IFFO2: variants seen among roughly 807,000 people sequenced by gnomAD.
The protein encoded by IFFO2 is intermediate filament family orphan 2.
Under a neutral mutation model 53.5 loss-of-function variants are expected in IFFO2, and 19 were observed. That is an observed-to-expected ratio of 0.36 (90% confidence interval 0.25 to 0.52). IFFO2 has a LOEUF of 0.52. Among genes scored for constraint, IFFO2 ranks in the 20% least tolerant of loss-of-function variants. IFFO2 has a pLI of 0.94. For synonymous variants in IFFO2, 303 were observed against 313.6 expected, an observed-to-expected ratio of 0.97 and a Z score of 0.36; for missense variants, 570 against 727.4, an observed-to-expected ratio of 0.78 and a Z score of 2.49.
intron 1 of IFFO2, among the ~76,000 whole-genome samples, chr1:18,924,569 C>A (rs1422986285): frequency 1.3e-5 from 2 of 152,224 alleles, no homozygotes; most frequent in Non-Finnish European, 2.9e-5. Flanking sequence ...CTCCCAGCCC[C>A]AGCCCATGGC....
chr1:18,951,906 C>G (rs1244979021), intron 1 of IFFO2, among the ~76,000 whole-genome samples: 1 of 152,128 alleles, frequency 6.6e-6, no homozygotes, highest in East Asian at 1.9e-4. Flanking sequence ...AGCCACAACA[C>G]GGGCCTCTTG....
At chr1:18,950,898 A>C (rs1936651691) in intron 1 of IFFO2, among the ~76,000 whole-genome samples, 1 of 152,262 alleles carries the variant, frequency 6.6e-6, no homozygotes, top group Non-Finnish European at 1.5e-5. Context: ...CTCCCATCCC[A>C]GAAAGTGGCT....
intron 1 of IFFO2, among the ~76,000 whole-genome samples, chr1:18,940,290 G>C (rs1214116228): frequency 1.3e-5 from 2 of 152,218 alleles, no homozygotes; most frequent in Non-Finnish European, 2.9e-5. Flanking sequence ...CAGAAACTTG[G>C]GGCTGGGACC....
Position 18,918,293 on chromosome 1 carries a change from C to A in IFFO2, c.963+69G>T. ...TGTGGAGGCAAACGGGTTGGCCGGG[C>A]AGGGGTGGAGGCCAGGGCTGCTCTG... On this transcript the variant is annotated intron_variant, in intron 4 of 8. Transcript: ENST00000455833. The surrounding 1 kb of genome is among the most constrained non-coding windows in gnomAD (Gnocchi z 5.2). The A allele has an allele frequency of 6.7e-7, 1 of 1,487,292 alleles. No homozygotes were observed. The highest frequency in any genetic ancestry group is 9.1e-7 in the Non-Finnish European group (1 of 1,095,946). The allele number at this position is 1,487,292 out of a possible 1,614,324, so 92.1% of individuals were successfully genotyped here. A position where few individuals can be genotyped will look rare whatever the true frequency, so the allele number is the denominator to read the frequency against.
rs1936720200 is a variant in IFFO2, at chr1:18,955,954, T to A, written c.379A>T (p.Ser127Cys). 1.4e-5 allele frequency: 18 copies of A among 1,273,262 alleles called. No individual in the cohort carries two copies. The highest frequency in any genetic ancestry group is 1.6e-5 in the Non-Finnish European group (16 of 1,011,698). 78.9% of individuals were successfully genotyped at this position (1,273,262 alleles called of 1,614,324 possible). The part of the protein sequence containing the change: ...PAPGGGHGLS[S>C]GAAAGANANA... Reference sequence around the variant, plus strand: ...GCGTTGGCGCCGGCCGCCGCGCCACTGCTGAGGCCGTGCCCGCCGCCGGGC... The same window carrying A: ...GCGTTGGCGCCGGCCGCCGCGCCACAGCTGAGGCCGTGCCCGCCGCCGGGC... Residue 127 changes from serine to cysteine, a missense_variant, in exon 1 of 9, where the codon AGT (serine) becomes TGT (cysteine). Ser to Cys is a moderately radical substitution (Grantham distance 112, BLOSUM62 -1). Coordinates refer to ENST00000455833, the MANE Select transcript of IFFO2 (RefSeq NM_001136265.2).
rs1464675237 is a variant in IFFO2, at chr1:18,919,979, C to T, written c.727-206G>A. 1.3e-5 allele frequency among the ~76,000 whole-genome samples: 2 copies of T among 152,212 alleles called. No individual in the cohort carries two copies. Among genetic ancestry groups the T allele is most frequent in the Non-Finnish European group, 2.9e-5 (2 of 68,046 alleles). On this transcript the variant is annotated intron_variant, in intron 2 of 8. Transcript: ENST00000455833. The surrounding 1 kb of genome is among the most constrained non-coding windows in gnomAD (Gnocchi z 4.9). The stretch of plus-strand genomic sequence containing the variant: ...CTTAAAACACTTTTCAAAGCGTTAT[C>T]TATTACGTGGGAAAATCCATGGAAG...
intron 1 of IFFO2, among the ~76,000 whole-genome samples, chr1:18,938,934 G>T (rs1936486059): frequency 1.3e-5 from 2 of 152,238 alleles, no homozygotes; most frequent in Non-Finnish European, 1.5e-5. Context: ...CAGGGGCCGG[G>T]ACACCAGCTG....
At chr1:18,913,383 C>T (rs1300927042) in intron 5 of IFFO2, among the ~76,000 whole-genome samples, 1 of 152,254 alleles carries the variant, frequency 6.6e-6, no homozygotes, top group Non-Finnish European at 1.5e-5. Flanking sequence ...CAATTCCTGA[C>T]TTCACTTCCT....
intron 5 of IFFO2, among the ~76,000 whole-genome samples, chr1:18,914,840 A>AAAC (rs1936108240): frequency 2.0e-5 from 3 of 149,142 alleles, no homozygotes; most frequent in East Asian, 2.0e-4. Flanking sequence ...AAAAAAAAAA[A>AAAC]GCCCCTCTTG....
At chr1:18,913,672 G>T (rs1936079169) in intron 5 of IFFO2, among the ~76,000 whole-genome samples, 1 of 152,170 alleles carries the variant, frequency 6.6e-6, no homozygotes, top group South Asian at 2.1e-4. Context: ...GGGCAGCCTG[G>T]CTAGGGTCCT....
rs36100174 is a variant in IFFO2, at chr1:18,909,189, AG to A, written c.1449-524del. Reference sequence around the variant, plus strand: ...TGAGGAGTTAAAGGTCTGAAAGGCAAGGCTACGGCCCTGCACACAGATCTGG... The same window carrying A: ...TGAGGAGTTAAAGGTCTGAAAGGCAAGCTACGGCCCTGCACACAGATCTGG... On this transcript the variant is annotated intron_variant, in intron 8 of 8. Coordinates refer to ENST00000455833, the MANE Select transcript of IFFO2 (RefSeq NM_001136265.2). 2.9e-3 allele frequency among the ~76,000 whole-genome samples: 446 copies of A among 152,194 alleles called. 3 individuals carry two copies. The highest frequency in any genetic ancestry group is 0.01 in the African/African-American group (432 of 41,534).
At chr1:18,950,887 C>T (rs571397432) in intron 1 of IFFO2, among the ~76,000 whole-genome samples, 69 of 152,278 alleles carry the variant, frequency 4.5e-4, no homozygotes, top group Non-Finnish European at 8.5e-4. Context: ...GACAAAAGTC[C>T]CTCCCATCCC....
At chr1:18,927,355 G>A (rs1265184126) in intron 1 of IFFO2, among the ~76,000 whole-genome samples, 1 of 152,224 alleles carries the variant, frequency 6.6e-6, no homozygotes, top group Non-Finnish European at 1.5e-5. Flanking sequence ...AGCCCTCAGT[G>A]GAAGACTTCA....
At chr1:18,921,040 G>A (rs996624087) in intron 2 of IFFO2, 21 bp downstream of exon 2, 11 of 1,550,504 alleles carry the variant, frequency 7.1e-6, no homozygotes, top group African/African-American at 6.8e-5. Flanking sequence ...TCTCCTGGTC[G>A]GGATATCGGA....
rs966651554 is a variant in IFFO2 at position 18,918,169 on chromosome 1, G to T, written c.963+193C>A. ...CAGCCATAGGATGAAGCAGTCAGACGAGCCTATGAGTCCACGGGTGCCTGA... is the reference window on the plus strand; with the variant it reads ...CAGCCATAGGATGAAGCAGTCAGACTAGCCTATGAGTCCACGGGTGCCTGA... On this transcript the variant is annotated intron_variant, in intron 4 of 8. Transcript: ENST00000455833. The surrounding 1 kb of genome is among the most constrained non-coding windows in gnomAD (Gnocchi z 5.2). 6.6e-6 allele frequency among the ~76,000 whole-genome samples: 1 copy of T among 152,172 alleles called. No individual in the cohort carries two copies. Among genetic ancestry groups the T allele is most frequent in the Non-Finnish European group, 1.5e-5 (1 of 68,034 alleles).
At chr1:18,912,171 AG>A (rs937902755) in intron 5 of IFFO2, 88 bp from the exon 6 acceptor site, 1 of 1,497,232 alleles carries the variant, frequency 6.7e-7, no homozygotes, top group Admixed American at 2.0e-5. Context: ...GCTGCCCAGC[AG>A]GTACACAGCT....
chr1:18,940,888 C>T (rs953254394), intron 1 of IFFO2, among the ~76,000 whole-genome samples: 1 of 152,082 alleles, frequency 6.6e-6, no homozygotes, highest in Non-Finnish European at 1.5e-5. Flanking sequence ...AGCTCCAAGT[C>T]CCCCCCAAAA....
rs964938769 is a variant in IFFO2, at chr1:18,912,020, C to T, written c.1167G>A (p.Thr389=). The T allele has an allele frequency of 1.2e-5, 18 of 1,551,780 alleles. No homozygotes were observed. Among genetic ancestry groups the T allele is most frequent in the Admixed American group, 7.8e-5 (4 of 51,010 alleles). Residue 389 remains threonine, a synonymous_variant, in exon 6 of 9, where the codon ACG becomes ACA. Transcript: ENST00000455833. ...TGGTGAAATCCTCCCAGAGCAGCAG[C>T]GTGTCTTCATTCTCTTCCCACGTCA... ...DSLTWEENED[T]LLLWEDFTNC...
intron 1 of IFFO2, among the ~76,000 whole-genome samples, chr1:18,931,879 C>T (rs1024186728): frequency 6.6e-6 from 1 of 152,232 alleles, no homozygotes; most frequent in Non-Finnish European, 1.5e-5. Context: ...CCCTGGGTTA[C>T]AGTGCCACGG....
Sources: gnomAD v4.1 joint callset for allele counts (sites outside exome capture counted in the v4.1 genomes callset) on GRCh38, gnomAD v4.1.1 for gene constraint, Gnocchi (gnomAD v3.1) non-coding constraint, MANE v1.5 for transcripts, NCBI Gene and HGNC (gene_info 2026-07-23, HGNC 2026-07-21) for gene names.